SLC9A8: variants seen among roughly 807,000 people sequenced by gnomAD.
SLC9A8 encodes sodium/hydrogen exchanger 8.
In SLC9A8, 48 loss-of-function variants were observed where a neutral mutation model predicts 66.6. The ratio of observed to expected loss-of-function variants is 0.72; its 90% CI spans 0.57 to 0.92. The LOEUF is 0.92. Ranked by LOEUF, SLC9A8 falls within the 40% of genes least tolerant of loss-of-function variation. SLC9A8 has a pLI of 0.00. For synonymous variants in SLC9A8, 274 were observed against 282.6 expected (o/e 0.97, Z 0.31); for missense variants, 599 against 747.3 (o/e 0.80, Z 2.31).
chr20:49,864,839 T>C lies in SLC9A8; in HGVS notation c.953T>C (p.Leu318Pro). 1 of 1,602,474 alleles carries C rather than the reference T, an allele frequency of 6.2e-7. No homozygotes were observed. The highest frequency in any genetic ancestry group is 8.6e-7 in the Non-Finnish European group (1 of 1,169,330). ...TATGGGCTTGCAGAAGGAATCTCACTCTCAGGTAAGTGACAGAGAGCCTGA... is the reference window on the plus strand; with the variant it reads ...TATGGGCTTGCAGAAGGAATCTCACCCTCAGGTAAGTGACAGAGAGCCTGA... ...LPYGLAEGIS[L>P]SGIMAILFSG... is the part of the protein sequence containing the mutation. Residue 318 changes from leucine to proline, a missense_variant, in exon 10 of 16, where the codon CTC becomes CCC. Around this residue, in one of 2 missense-constraint regions of SLC9A8, gnomAD observed 467 missense variants for 626.5 expected, o/e 0.75. Coordinates refer to ENST00000361573, the MANE Select transcript of SLC9A8 (RefSeq NM_015266.3).
chr20:49,830,505 T>A, intron 3 of SLC9A8: 1 of 748,292 alleles, frequency 1.3e-6, no homozygotes, highest in African/African-American at 1.7e-5. Context: ...CGTGGACATG[T>A]CAACGGTGGA....
chr20:49,820,051 T>C (rs1181999002), intron 2 of SLC9A8, among the ~76,000 whole-genome samples: 1 of 152,054 alleles, frequency 6.6e-6, no homozygotes, highest in African/African-American at 2.4e-5. Flanking sequence ...TTTGGATATA[T>C]ACCTGCAAGT....
rs1262136395 is a variant in SLC9A8, at chr20:49,834,210, T to TACAC, written c.290-5330_290-5329insCACA. ...CTATATATATATATATATATATATA[T>TACAC]ATATACACACACACACTATGTATAT... is the stretch of plus-strand genomic sequence containing the variant. On this transcript the variant is annotated intron_variant, in intron 3 of 15. Transcript: ENST00000361573. Among the ~76,000 whole-genome samples the TACAC allele has an allele frequency of 1.4e-3, 132 of 94,896 alleles. 1 individual carries two copies. The highest frequency in any genetic ancestry group is 5.7e-3 in the Middle Eastern group (1 of 174). The allele number at this position is 94,896 out of a possible 152,430, so 62.3% of individuals were successfully genotyped here. A position where few individuals can be genotyped will look rare whatever the true frequency, so the allele number is the denominator to read the frequency against.
chr20:49,850,240 T>G (rs1179921427), intron 6 of SLC9A8, among the ~76,000 whole-genome samples: 2 of 152,206 alleles, frequency 1.3e-5, no homozygotes, highest in Non-Finnish European at 2.9e-5. Context: ...GGTCTCTACT[T>G]TAGACTTCAA....
intron 11 of SLC9A8, among the ~76,000 whole-genome samples, chr20:49,877,014 G>A (rs373292085): frequency 7.2e-5 from 11 of 151,966 alleles, no homozygotes; most frequent in Admixed American, 3.9e-4. Context: ...TAGGCCAGGC[G>A]CGGTGGCTTA....
At chr20:49,844,053 C>A (rs751812077) in intron 4 of SLC9A8, among the ~76,000 whole-genome samples, 1 of 152,138 alleles carries the variant, frequency 6.6e-6, no homozygotes, top group African/African-American at 2.4e-5. Flanking sequence ...ATCAGATACC[C>A]AGTCTTGAAC....
chr20:49,826,931 T>C (rs2086935519), intron 3 of SLC9A8, among the ~76,000 whole-genome samples: 1 of 152,016 alleles, frequency 6.6e-6, no homozygotes, highest in Admixed American at 6.6e-5. Flanking sequence ...TTAGTTGAGT[T>C]CACATATTTA....
At chr20:49,860,823 A>G (rs1226343730) in intron 8 of SLC9A8, among the ~76,000 whole-genome samples, 1 of 152,242 alleles carries the variant, frequency 6.6e-6, no homozygotes, top group African/African-American at 2.4e-5. Context: ...TGAGTCAACA[A>G]AAAGGTATTG....
chr20:49,871,186 C>G (rs1453398461), intron 10 of SLC9A8, among the ~76,000 whole-genome samples: 1 of 152,212 alleles, frequency 6.6e-6, no homozygotes, highest in Non-Finnish European at 1.5e-5. Context: ...GTAATTAACA[C>G]AGCGTACTCA....
intron 10 of SLC9A8, among the ~76,000 whole-genome samples, chr20:49,865,260 G>T (rs2088912580): frequency 6.6e-6 from 1 of 152,130 alleles, no homozygotes; most frequent in African/African-American, 2.4e-5. Context: ...AGTTGTCTTG[G>T]AGTCAAGAAC....
At chr20:49,813,270 T>C (rs927716853) in intron 1 of SLC9A8, among the ~76,000 whole-genome samples, 2 of 152,198 alleles carry the variant, frequency 1.3e-5, no homozygotes, top group Admixed American at 1.3e-4. Context: ...CTCTTCCGCC[T>C]CCTCCAGGAA....
At position 49,862,493 on chromosome 20, in the gene SLC9A8, T is replaced by G. The variant is rs76512818; in HGVS notation, c.714-436T>G. On this transcript the variant is annotated intron_variant, in intron 8 of 15. Coordinates refer to ENST00000361573, the MANE Select transcript of SLC9A8 (RefSeq NM_015266.3). Reference sequence around the variant, plus strand: ...GCCAGGCTGGTCTGAACTCCTGCCCTCAAGTGATCTGCTCACCTCGGCCTC... The same window carrying G: ...GCCAGGCTGGTCTGAACTCCTGCCCGCAAGTGATCTGCTCACCTCGGCCTC... Among the ~76,000 whole-genome samples the G allele has an allele frequency of 0.023, 3,459 of 152,238 alleles. 381 individuals are homozygous for G. The East Asian group carries it at 0.35, about 15-fold the overall frequency.
intron 10 of SLC9A8, among the ~76,000 whole-genome samples, chr20:49,868,251 C>T (rs919004380): frequency 6.6e-6 from 1 of 152,166 alleles, no homozygotes; most frequent in Non-Finnish European, 1.5e-5. Context: ...GCAGTGTTTC[C>T]TGTTGAGAGG....
intron 2 of SLC9A8, among the ~76,000 whole-genome samples, chr20:49,822,023 C>T (rs1791027954): frequency 6.6e-6 from 1 of 152,112 alleles, no homozygotes; most frequent in Admixed American, 6.6e-5. Flanking sequence ...CTAGAAGCCT[C>T]AGTTTTCTGA....
intron 3 of SLC9A8, among the ~76,000 whole-genome samples, chr20:49,828,561 G>A (rs1364771840): frequency 6.7e-6 from 1 of 149,984 alleles, no homozygotes; most frequent in Non-Finnish European, 1.5e-5. Context: ...AAAAGGGCCT[G>A]GCACAGTGGC....
chr20:49,879,656 C>T (rs1330277351), intron 12 of SLC9A8, among the ~76,000 whole-genome samples: 1 of 151,928 alleles, frequency 6.6e-6, no homozygotes, highest in Admixed American at 6.6e-5. Context: ...GAAACCCCGT[C>T]TCTACTAAAA....
At chr20:49,878,087 TA>T (rs757404506) in intron 12 of SLC9A8, 24 bp downstream of exon 12, 59 of 1,349,034 alleles carry the variant, frequency 4.4e-5, no homozygotes, top group Non-Finnish European at 5.3e-5. Context: ...TTTTTTTTTT[TA>T]AATTTAATTA....
In SLC9A8 at chr20:49,849,572, C is replaced by T; in HGVS notation, c.433-7C>T. The T allele has an allele frequency of 6.2e-7, 1 of 1,607,202 alleles. No individual in the cohort carries two copies. Among genetic ancestry groups the T allele is most frequent in the South Asian group, 1.1e-5 (1 of 90,922 alleles). ...ATCATTTCCCTGATTTCTGCTCTTTCAAACAGGGTAACTTCTTTCAAAATA... is the reference window on the plus strand; with the variant it reads ...ATCATTTCCCTGATTTCTGCTCTTTTAAACAGGGTAACTTCTTTCAAAATA... On this transcript the variant is annotated splice_polypyrimidine_tract_variant and splice_region_variant and intron_variant, in intron 5 of 15. Transcript: ENST00000361573.
At chr20:49,884,337 C>CACACACACACACACACACACACA (rs1555848454) in intron 14 of SLC9A8, among the ~76,000 whole-genome samples, 30 of 72,330 alleles carry the variant, frequency 4.1e-4, no homozygotes, top group African/African-American at 6.4e-4. Context: ...CACACACACA[C>CACACACACACACACACACACACA]CCCCCGGTCA....
Sources: gnomAD v4.1 joint callset for allele counts (sites outside exome capture counted in the v4.1 genomes callset) on GRCh38, gnomAD v4.1.1 for gene constraint, gnomAD v4.1.1 regional missense constraint, MANE v1.5 for transcripts, NCBI Gene and HGNC (gene_info 2026-07-23, HGNC 2026-07-21) for gene names.